Variants in SPIRE1 observed in about 807,000 individuals in gnomAD.
SPIRE1 encodes protein spire homolog 1.
A neutral mutation model predicts 94.1 loss-of-function variants in SPIRE1; 40 were observed. The ratio of observed to expected loss-of-function variants is 0.43; its 90% confidence interval spans 0.33 to 0.55. SPIRE1 has a LOEUF of 0.55. Among genes scored for constraint, SPIRE1 ranks in the 20% least tolerant of loss-of-function variants. The probability of loss-of-function intolerance (pLI) is 0.06; values close to 1 mark genes in which losing one functional copy is unlikely to be tolerated. For synonymous variants in SPIRE1, 376 were observed against 371.7 expected, an observed-to-expected ratio of 1.01 and a Z score of -0.13; for missense variants, 838 against 975.2, an observed-to-expected ratio of 0.86 and a Z score of 1.87.
intron 4 of SPIRE1, among the ~76,000 whole-genome samples, chr18:12,526,370 C>T (rs947998349): frequency 6.6e-6 from 1 of 152,196 alleles, no homozygotes; most frequent in African/African-American, 2.4e-5. Flanking sequence ...TTCGAAGTTA[C>T]TTCTGGGAAG....
intron 4 of SPIRE1, among the ~76,000 whole-genome samples, chr18:12,517,135 G>C (rs1391177448): frequency 6.6e-6 from 1 of 152,082 alleles, no homozygotes; most frequent in Non-Finnish European, 1.5e-5. Context: ...TTTTATAGAA[G>C]AAATATACCA....
intron 4 of SPIRE1, among the ~76,000 whole-genome samples, chr18:12,533,915 G>A (rs969977285): frequency 6.8e-6 from 1 of 146,746 alleles, no homozygotes; most frequent in African/African-American, 2.6e-5. Flanking sequence ...TCTGCTCAAT[G>A]AGAACAGCTA....
chr18:12,591,507 T>A (rs1456107531), intron 2 of SPIRE1, among the ~76,000 whole-genome samples: 1 of 152,176 alleles, frequency 6.6e-6, no homozygotes, highest in Non-Finnish European at 1.5e-5. Flanking sequence ...TGCCTCTGGC[T>A]CCTGACTGAG....
At chr18:12,452,578 C>T (rs1372522744) in intron 14 of SPIRE1, 66 bp from the exon 15 acceptor site, 2 of 1,495,992 alleles carry the variant, frequency 1.3e-6, no homozygotes, top group African/African-American at 2.8e-5. Context: ...GTTAGAGAAG[C>T]CTATGGCAGT....
intron 2 of SPIRE1, among the ~76,000 whole-genome samples, chr18:12,591,665 G>A (rs1337609200): frequency 6.6e-6 from 1 of 152,144 alleles, no homozygotes; most frequent in Non-Finnish European, 1.5e-5. Flanking sequence ...CAAGGTTTCT[G>A]TCTTGGTCAG....
chr18:12,497,609 T>A (rs560227155), intron 6 of SPIRE1, among the ~76,000 whole-genome samples: 1 of 152,246 alleles, frequency 6.6e-6, no homozygotes, highest in South Asian at 2.1e-4. Flanking sequence ...CAGAGCAAGC[T>A]TCAGGAATAA....
chr18:12,468,866 C>T (rs1045804467), intron 10 of SPIRE1, among the ~76,000 whole-genome samples: 5 of 152,014 alleles, frequency 3.3e-5, no homozygotes, highest in African/African-American at 1.2e-4. Flanking sequence ...TGAGACTAGC[C>T]TAAGGAACAT....
At chr18:12,491,599 T>G (rs1300115652) in intron 8 of SPIRE1, among the ~76,000 whole-genome samples, 1 of 152,038 alleles carries the variant, frequency 6.6e-6, no homozygotes, top group Non-Finnish European at 1.5e-5. Context: ...TGGGCTCAAG[T>G]GATCCACTCT....
intron 4 of SPIRE1, among the ~76,000 whole-genome samples, chr18:12,516,948 T>C (rs1272633889): frequency 6.6e-6 from 1 of 152,208 alleles, no homozygotes; most frequent in Non-Finnish European, 1.5e-5. Context: ...CTTTATAACA[T>C]TGAAGACAAT....
chr18:12,614,033 G>A (rs1278582611), intron 2 of SPIRE1, among the ~76,000 whole-genome samples: 1 of 152,240 alleles, frequency 6.6e-6, no homozygotes, highest in Non-Finnish European at 1.5e-5. Flanking sequence ...GCCAAGGTGG[G>A]AGGACTGCTT....
At chr18:12,597,630 T>G (rs2036714181) in intron 2 of SPIRE1, among the ~76,000 whole-genome samples, 1 of 152,200 alleles carries the variant, frequency 6.6e-6, no homozygotes, top group African/African-American at 2.4e-5. Context: ...TGCTGTATAG[T>G]AATAATTTGC....
intron 2 of SPIRE1, among the ~76,000 whole-genome samples, chr18:12,578,280 C>A (rs1164923878): frequency 6.6e-6 from 1 of 152,092 alleles, no homozygotes; most frequent in Admixed American, 6.5e-5. Flanking sequence ...TGCAATCACC[C>A]AAAACTGTAA....
At chr18:12,507,091 G>A (rs969350538) in intron 5 of SPIRE1, among the ~76,000 whole-genome samples, 10 of 152,204 alleles carry the variant, frequency 6.6e-5, no homozygotes, top group Non-Finnish European at 1.2e-4. Context: ...TTATGGCCAC[G>A]AAAATGTCAA....
At chr18:12,576,403 G>A (rs1457540600) in intron 2 of SPIRE1, among the ~76,000 whole-genome samples, 1 of 151,442 alleles carries the variant, frequency 6.6e-6, no homozygotes. Context: ...CCGACATAGC[G>A]AAATCTCGTC....
intron 2 of SPIRE1, among the ~76,000 whole-genome samples, chr18:12,631,036 T>C (rs761073124): frequency 3.6e-4 from 55 of 152,268 alleles, no homozygotes; most frequent in Admixed American, 6.5e-4. Flanking sequence ...CTTAAACCCA[T>C]ATGGCAAGGA....
intron 4 of SPIRE1, among the ~76,000 whole-genome samples, chr18:12,521,731 T>C (rs760417985): frequency 6.6e-6 from 1 of 152,192 alleles, no homozygotes; most frequent in Admixed American, 6.5e-5. Flanking sequence ...TCACTTTGTA[T>C]CTTTCTGTCA....
intron 10 of SPIRE1, among the ~76,000 whole-genome samples, chr18:12,471,856 C>A (rs955602770): frequency 6.6e-5 from 10 of 152,076 alleles, no homozygotes; most frequent in Non-Finnish European, 1.5e-4. Context: ...ACAATCTCGG[C>A]TCACTGCAAC....
chr18:12,584,865 C>A (rs1325905466), intron 2 of SPIRE1, among the ~76,000 whole-genome samples: 3 of 152,102 alleles, frequency 2.0e-5, no homozygotes, highest in Non-Finnish European at 4.4e-5. Context: ...CTGCAACCTC[C>A]GCCTCCTGGG....
intron 2 of SPIRE1, among the ~76,000 whole-genome samples, chr18:12,579,233 A>ACACACACACAC (rs2036196504): frequency 6.7e-6 from 1 of 149,082 alleles, no homozygotes; most frequent in African/African-American, 2.5e-5. Context: ...ACACACACAC[A>ACACACACACAC]AAATACTGAC....
Sources: allele counts gnomAD v4.1 joint callset (sites outside exome capture counted in the v4.1 genomes callset), GRCh38; gene constraint gnomAD v4.1.1; transcripts MANE v1.5; gene names NCBI Gene and HGNC (gene_info 2026-07-23, HGNC 2026-07-21).